PSTPIP1: variants seen among roughly 807,000 people sequenced by gnomAD.
PSTPIP1 encodes proline-serine-threonine phosphatase-interacting protein 1.
In PSTPIP1, 66 loss-of-function variants were observed where a neutral mutation model predicts 69.6. The ratio of observed to expected loss-of-function variants is 0.95; its 90% confidence interval spans 0.78 to 1.16. PSTPIP1 has a LOEUF of 1.16. Ranked by LOEUF, PSTPIP1 falls within the 50% of genes most tolerant of loss-of-function variation. The pLI is 0.00. For synonymous variants in PSTPIP1, 266 were observed against 222.7 expected (o/e 1.19, Z -1.73); for missense variants, 603 against 557.4 (o/e 1.08, Z -0.82).
In PSTPIP1 at chr15:77,018,464, G is replaced by A. The variant is rs753026268; in HGVS notation, c.145G>A (p.Ala49Thr). The change falls in exon 3 of 15, where the codon GCG becomes ACG. Residue 49 changes from alanine (A) to threonine (T), a missense_variant. By Grantham distance (58) the Ala-to-Thr change is moderately conservative. Transcript: ENST00000558012. ...ATGCCCTTTTTTTTGCAGGGCCCAG[G>A]CGGAGGAGCGGTACGGGAAGGAGCT... is the stretch of plus-strand genomic sequence containing the variant. Reference protein sequence around the residue: ...MEELLRQRAQAEERYGKELVQ... With the variant: ...MEELLRQRAQTEERYGKELVQ... 6.3e-7 allele frequency: 1 copy of A among 1,580,874 alleles called. No homozygotes were observed. The highest frequency in any genetic ancestry group is 8.6e-7 in the Non-Finnish European group (1 of 1,163,340).
chr15:77,025,693 A>T, intron 5 of PSTPIP1, 89 bp downstream of exon 5: 47 of 746,958 alleles, frequency 6.3e-5, no homozygotes, highest in East Asian at 8.8e-5. Flanking sequence ...TTCCTGGTAG[A>T]GCCAGTGGAG....
intron 1 of PSTPIP1, among the ~76,000 whole-genome samples, chr15:77,014,230 A>G (rs1158884532): frequency 6.6e-6 from 1 of 152,120 alleles, no homozygotes; most frequent in Admixed American, 6.5e-5. Context: ...AATGGTAGTC[A>G]TCACCCCTAG....
chr15:76,995,823 C>T (rs550297746), intron 1 of PSTPIP1, among the ~76,000 whole-genome samples: 4 of 152,376 alleles, frequency 2.6e-5, no homozygotes, highest in African/African-American at 9.6e-5. Flanking sequence ...CTCCTCTCTG[C>T]TGCCCCGTGT....
chr15:77,026,280 C>A (rs1008292725), intron 5 of PSTPIP1: 2 of 445,788 alleles, frequency 4.5e-6, no homozygotes, highest in Non-Finnish European at 9.0e-6. Flanking sequence ...GGAGGCTGGG[C>A]TTGGGCCTGT....
At chr15:77,019,414 C>A (rs977017757) in intron 3 of PSTPIP1, among the ~76,000 whole-genome samples, 1 of 152,166 alleles carries the variant, frequency 6.6e-6, no homozygotes, top group Non-Finnish European at 1.5e-5. Context: ...CCTGCCTTCT[C>A]CCCCGAGAGA....
chr15:77,001,919 T>A (rs1750843932), intron 1 of PSTPIP1, among the ~76,000 whole-genome samples: 1 of 152,230 alleles, frequency 6.6e-6, no homozygotes, highest in Non-Finnish European at 1.5e-5. Context: ...TTTTCAGGAT[T>A]GATGTTTTTA....
rs889298084 is a variant in PSTPIP1 at position 77,033,075 on chromosome 15, A to C, written c.929+123A>C. 6 of 994,094 alleles carry C rather than the reference A, an allele frequency of 6.0e-6. No individual in the cohort carries two copies. The African/African-American group carries it at 9.7e-5, about 16-fold the overall frequency. The allele number at this position is 994,094 out of a possible 1,614,324, so 61.6% of individuals were successfully genotyped here. ...TACTATGTGTCTGTATCTGGTGCCC[A>C]GTTTAGGTGCTGGGCACTCTGTGGA... On this transcript the variant is annotated intron_variant, in intron 12 of 14. Transcript: ENST00000558012.
rs569851704 is a variant in PSTPIP1 at position 77,012,048 on chromosome 15, C to G, written c.37-6100C>G. ...CAGCTTTGGCTTGGAACTCTCCCTT[C>G]CCTCCCTATCACCTCCTCCCAAATA... On this transcript the variant is annotated intron_variant, in intron 1 of 14. Coordinates refer to ENST00000558012, the MANE Select transcript of PSTPIP1 (RefSeq NM_003978.5). Among the ~76,000 whole-genome samples, 4 of 152,236 alleles carry G rather than the reference C, an allele frequency of 2.6e-5. No individual in the cohort carries two copies. In the South Asian group the frequency reaches 8.3e-4, roughly 32 times the overall value.
intron 1 of PSTPIP1, among the ~76,000 whole-genome samples, chr15:77,016,149 C>T (rs1163147446): frequency 6.6e-6 from 1 of 152,210 alleles, no homozygotes; most frequent in East Asian, 1.9e-4. Context: ...AGTCCGGATT[C>T]TTGTCCTGAC....
intron 12 of PSTPIP1, 62 bp downstream of exon 12, chr15:77,033,014 C>T: frequency 1.4e-6 from 2 of 1,475,172 alleles, no homozygotes; most frequent in South Asian, 1.2e-5. Context: ...TCGAGCCCCT[C>T]CTCTGCACCT....
In PSTPIP1 at chr15:77,025,499, A is replaced by T. The variant is rs1164812097; in HGVS notation, c.249A>T (p.Gln83His). The change falls in exon 5 of 15, where the codon CAA becomes CAT. Residue 83 changes from glutamine to histidine, a missense_variant and splice_region_variant. By Grantham distance (24) the Gln-to-His change is conservative (BLOSUM62 0). Coordinates refer to ENST00000558012, the MANE Select transcript of PSTPIP1 (RefSeq NM_003978.5). ...LRASFDSLKQQMENVGSSHIQ... is the reference protein window; with the variant it reads ...LRASFDSLKQHMENVGSSHIQ... ...CCAGTATCCATGCTCTGCCCCCAGA[A>T]ATGGAGAATGTGGGCAGCTCACACA... The T allele has an allele frequency of 6.4e-7, 1 of 1,561,298 alleles. No homozygotes were observed. The highest frequency in any genetic ancestry group is 1.2e-5 in the South Asian group (1 of 85,374).
At chr15:76,997,753 A>C (rs184052999) in intron 1 of PSTPIP1, among the ~76,000 whole-genome samples, 1 of 152,326 alleles carries the variant, frequency 6.6e-6, no homozygotes, top group East Asian at 1.9e-4. Flanking sequence ...AAATCAGACA[A>C]GGTGGCTAGA....
At chr15:77,015,786 G>C (rs945583643) in intron 1 of PSTPIP1, 8 of 385,414 alleles carry the variant, frequency 2.1e-5, no homozygotes, top group Non-Finnish European at 4.2e-5. Context: ...GGGAGGCATC[G>C]TGAGCAGCCC....
rs752570265 is a variant in PSTPIP1, at chr15:77,028,578, T to G, written c.442T>G (p.Cys148Gly). 6.2e-7 allele frequency: 1 copy of G among 1,602,732 alleles called. No homozygotes were observed. The change falls in exon 7 of 15, where the codon TGC becomes GGC. Residue 148 changes from cysteine to glycine, a missense_variant. Transcript: ENST00000558012. ...MESKKTYEQK[C>G]RDADDAEQAF... ...GTCCAAGAAGACATACGAGCAGAAG[T>G]GCCGGGACGCGGACGACGCGGAGCA...
In PSTPIP1 at chr15:77,018,178, G is replaced by C; in HGVS notation, c.67G>C (p.Glu23Gln). ...GGACTTCACAGCCCACACGGGCTAC[G>C]AGGTGCTGCTGCAGCGGCTTCTGGA... ...CRDFTAHTGYEVLLQRLLDGR... is the reference protein window; with the variant it reads ...CRDFTAHTGYQVLLQRLLDGR... Residue 23 changes from glutamate (E) to glutamine (Q), a missense_variant, in exon 2 of 15, where the codon GAG (glutamate) becomes CAG (glutamine). Transcript: ENST00000558012. The C allele has an allele frequency of 6.3e-7, 1 of 1,589,722 alleles. No individual in the cohort carries two copies. The highest frequency in any genetic ancestry group is 1.3e-5 in the African/African-American group (1 of 74,602).
intron 1 of PSTPIP1, among the ~76,000 whole-genome samples, chr15:77,005,330 G>A (rs548956282): frequency 2.0e-5 from 3 of 151,558 alleles, no homozygotes; most frequent in Admixed American, 6.6e-5. Context: ...AGGTTGCAGT[G>A]AGCCAAGATT....
In PSTPIP1 at chr15:77,029,526, CAG is replaced by C. The variant is rs878855322; in HGVS notation, c.517_518del. 1.1e-5 allele frequency: 18 copies of C among 1,578,482 alleles called. No homozygotes were observed. The highest frequency in any genetic ancestry group is 1.5e-5 in the Non-Finnish European group (17 of 1,163,120). On this transcript the variant is annotated splice_acceptor_variant, in intron 7 of 14. Transcript: ENST00000558012. LOFTEE classifies it high-confidence loss of function. ...TAGCGCTGCTTCCCCTCTGTTTCCT[CAG>C]AGTCAGAACAAAGCCAGGCAGTGCA...
intron 14 of PSTPIP1, among the ~76,000 whole-genome samples, chr15:77,036,625 G>A (rs529003530): frequency 3.9e-5 from 6 of 152,252 alleles, no homozygotes; most frequent in Non-Finnish European, 8.8e-5. Flanking sequence ...GCCAGGGCTC[G>A]GGGAGGCAGG....
At chr15:77,031,535 G>A (rs1306120217) in intron 10 of PSTPIP1, 2 of 374,794 alleles carry the variant, frequency 5.3e-6, no homozygotes, top group South Asian at 5.4e-5. Flanking sequence ...ATGCCTCAGA[G>A]CCACAGAGCA....
Sources: allele counts gnomAD v4.1 joint callset (sites outside exome capture counted in the v4.1 genomes callset), GRCh38; gene constraint gnomAD v4.1.1; transcripts MANE v1.5; gene names NCBI Gene and HGNC (gene_info 2026-07-23, HGNC 2026-07-21).